Variants in CDH12 observed in about 807,000 individuals in gnomAD.
The protein encoded by CDH12 is cadherin-12.
A neutral mutation model predicts 74.1 loss-of-function variants in CDH12; 41 were observed. The ratio of observed to expected loss-of-function variants is 0.55; its 90% CI spans 0.43 to 0.72. CDH12 has a LOEUF of 0.72. CDH12 is among the 30% of genes least tolerant of loss of function. The probability of loss-of-function intolerance (pLI) is 0.00; values close to 1 mark genes in which losing one functional copy is unlikely to be tolerated. For synonymous variants in CDH12, 399 were observed against 355.0 expected, an observed-to-expected ratio of 1.12 and a Z score of -1.39; for missense variants, 945 against 977.2, an observed-to-expected ratio of 0.97 and a Z score of 0.44.
chr5:22,104,494 TTG>T (rs1198235007), intron 4 of CDH12, among the ~76,000 whole-genome samples: 53 of 152,104 alleles, frequency 3.5e-4, no homozygotes, highest in Admixed American at 3.5e-3. Context: ...AAAAAAAACT[TTG>T]TTTTTAAAAT....
At chr5:22,678,053 G>GGT (rs1554058356) in intron 1 of CDH12, among the ~76,000 whole-genome samples, 1 of 150,578 alleles carries the variant, frequency 6.6e-6, no homozygotes. Flanking sequence ...ATGGGGGGGG[G>GGT]GGTTAGGATT....
At chr5:22,207,715 T>C (rs777984619) in intron 4 of CDH12, among the ~76,000 whole-genome samples, 4 of 152,174 alleles carry the variant, frequency 2.6e-5, no homozygotes, top group Non-Finnish European at 5.9e-5. Flanking sequence ...AACATCCACT[T>C]CATCTGTGTA....
At chr5:22,835,762 C>A (rs1158433080) in intron 1 of CDH12, among the ~76,000 whole-genome samples, 1 of 152,154 alleles carries the variant, frequency 6.6e-6, no homozygotes, top group Non-Finnish European at 1.5e-5. Context: ...TGAATCTGGG[C>A]AAATCTCCAG....
chr5:21,752,368 A>T, intron 14 of CDH12, 132 bp from the exon 15 acceptor site: 1 of 714,486 alleles, frequency 1.4e-6, no homozygotes, highest in Non-Finnish European at 2.3e-6. Flanking sequence ...TAGTAAACAT[A>T]CCATAATCAA....
At chr5:22,462,049 A>G (rs1745546892) in intron 2 of CDH12, among the ~76,000 whole-genome samples, 1 of 152,188 alleles carries the variant, frequency 6.6e-6, no homozygotes, top group Admixed American at 6.5e-5. Context: ...AGATACATCT[A>G]TCAAACACTA....
At chr5:22,575,874 TTTATA>T (rs1176165708) in intron 1 of CDH12, among the ~76,000 whole-genome samples, 1 of 151,862 alleles carries the variant, frequency 6.6e-6, no homozygotes, top group Non-Finnish European at 1.5e-5. Context: ...CTTATTTTTT[TTTATA>T]TTATATTTAT....
At chr5:22,745,799 A>G (rs543888745) in intron 1 of CDH12, among the ~76,000 whole-genome samples, 1 of 152,278 alleles carries the variant, frequency 6.6e-6, no homozygotes, top group African/African-American at 2.4e-5. Flanking sequence ...ATTCAGGAAA[A>G]ATAACTAATG....
intron 4 of CDH12, among the ~76,000 whole-genome samples, chr5:22,158,825 G>T (rs1748170862): frequency 6.6e-6 from 1 of 152,090 alleles, no homozygotes; most frequent in South Asian, 2.1e-4. Flanking sequence ...TGACAAATTA[G>T]CTCAGGTCAT....
At chr5:22,036,296 G>T (rs1039978933) in intron 5 of CDH12, among the ~76,000 whole-genome samples, 1 of 152,120 alleles carries the variant, frequency 6.6e-6, no homozygotes, top group African/African-American at 2.4e-5. Flanking sequence ...TCTTGCTAGA[G>T]AATTACATAT....
chr5:21,805,626 A>G (rs1747386377), intron 9 of CDH12, among the ~76,000 whole-genome samples: 1 of 152,262 alleles, frequency 6.6e-6, no homozygotes, highest in Non-Finnish European at 1.5e-5. Flanking sequence ...AAAATGGTAT[A>G]TAGCTCAGAA....
At chr5:22,308,926 A>AG (rs1482373211) in intron 3 of CDH12, among the ~76,000 whole-genome samples, 2 of 44,190 alleles carry the variant, frequency 4.5e-5, no homozygotes, top group African/African-American at 9.0e-5. Flanking sequence ...GAGAGGAGAG[A>AG]GAGAGAAAGA....
intron 6 of CDH12, among the ~76,000 whole-genome samples, chr5:21,933,121 G>A (rs1209733182): frequency 3.3e-5 from 5 of 152,096 alleles, no homozygotes; most frequent in Admixed American, 1.3e-4. Context: ...ACACACGAGA[G>A]TTTAATATTT....
intron 1 of CDH12, among the ~76,000 whole-genome samples, chr5:22,831,371 C>CTGTG (rs70959760): frequency 0.1 from 14,879 of 146,622 alleles, 836 homozygotes; most frequent in African/African-American, 0.15. Flanking sequence ...GTGTGTGTGT[C>CTGTG]TGTGTGTGTG....
Position 21,950,912 on chromosome 5 carries a change from G to A in CDH12, c.526+24179C>T, listed in dbSNP as rs575763899. Among the ~76,000 whole-genome samples the A allele has an allele frequency of 4.4e-3, 670 of 150,720 alleles. 4 individuals carry two copies. The highest frequency in any genetic ancestry group is 0.015 in the African/African-American group (632 of 41,264). On this transcript the variant is annotated intron_variant, in intron 6 of 14. Transcript: ENST00000382254. ...TGCCATTCTCCTGCCTCAGCCTCCC[G>A]AGTAGCTGGTACTACAGGTGCCCAC...
At chr5:22,812,225 C>T (rs1432138135) in intron 1 of CDH12, among the ~76,000 whole-genome samples, 3 of 152,140 alleles carry the variant, frequency 2.0e-5, no homozygotes, top group African/African-American at 7.2e-5. Context: ...GCTCTCCGCT[C>T]AGCCTTCCAA....
chr5:22,806,868 A>T (rs570479846), intron 1 of CDH12, among the ~76,000 whole-genome samples: 2 of 152,146 alleles, frequency 1.3e-5, no homozygotes, highest in Non-Finnish European at 2.9e-5. Flanking sequence ...GATTCTGGAT[A>T]TTAGCCCTTT....
In CDH12 at chr5:22,612,814, G is replaced by T. The variant is rs139068212; in HGVS notation, c.-522-107450C>A. Reference sequence around the variant, plus strand: ...CTCAGTAACATTCATAGCCTTTTCTGGACTAATTCAGGGCATAAAATTAAC... The same window carrying T: ...CTCAGTAACATTCATAGCCTTTTCTTGACTAATTCAGGGCATAAAATTAAC... On this transcript the variant is annotated intron_variant, in intron 1 of 14. Coordinates refer to ENST00000382254, the MANE Select transcript of CDH12 (RefSeq NM_004061.5). Among the ~76,000 whole-genome samples the T allele has an allele frequency of 9.5e-3, 1,437 of 152,038 alleles. 11 individuals are homozygous for T. Among genetic ancestry groups the T allele is most frequent in the Non-Finnish European group, 0.012 (829 of 67,944 alleles).
At chr5:22,749,049 T>G (rs895781933) in intron 1 of CDH12, among the ~76,000 whole-genome samples, 4 of 152,194 alleles carry the variant, frequency 2.6e-5, no homozygotes, top group Non-Finnish European at 4.4e-5. Flanking sequence ...TTAAACACAA[T>G]GCTCTCAATG....
At chr5:22,256,619 C>A (rs1368514221) in intron 3 of CDH12, among the ~76,000 whole-genome samples, 1 of 152,010 alleles carries the variant, frequency 6.6e-6, no homozygotes, top group Non-Finnish European at 1.5e-5. Flanking sequence ...CAGAAGAAGT[C>A]ATTGTTATCA....
Sources: gnomAD v4.1 joint callset for allele counts (sites outside exome capture counted in the v4.1 genomes callset) on GRCh38, gnomAD v4.1.1 for gene constraint, MANE v1.5 for transcripts, NCBI Gene and HGNC (gene_info 2026-07-23, HGNC 2026-07-21) for gene names.